Variants in FKBP9 observed in about 807,000 individuals in gnomAD.
FKBP9 encodes FKBP prolyl isomerase 9, also known as peptidyl-prolyl cis-trans isomerase FKBP9.
In FKBP9, 27 loss-of-function variants were observed where a neutral mutation model predicts 55.6. That is an observed-to-expected ratio of 0.49 (90% CI 0.36 to 0.67). The LOEUF is 0.67. Among genes scored for constraint, FKBP9 ranks in the 30% least tolerant of loss-of-function variants. The probability of loss-of-function intolerance (pLI) is 0.00; values close to 1 mark genes in which losing one functional copy is unlikely to be tolerated. For synonymous variants in FKBP9, 267 were observed against 296.5 expected, an observed-to-expected ratio of 0.90 and a Z score of 1.02; for missense variants, 539 against 742.8, an observed-to-expected ratio of 0.73 and a Z score of 3.19.
chr7:32,988,047 G>GC (rs1284751500), intron 5 of FKBP9, among the ~76,000 whole-genome samples: 3 of 152,094 alleles, frequency 2.0e-5, no homozygotes, highest in African/African-American at 7.2e-5. Flanking sequence ...AGGTGTGGTA[G>GC]CATGTGCTTG....
At chr7:32,958,924 C>T (rs2127974485) in intron 1 of FKBP9, among the ~76,000 whole-genome samples, 1 of 152,272 alleles carries the variant, frequency 6.6e-6, no homozygotes, top group African/African-American at 2.4e-5. Context: ...CTAGATCAGG[C>T]AGAGAGAGCT....
In FKBP9 at chr7:33,000,114, G is replaced by T. The variant is rs1055076709; in HGVS notation, c.1227-1G>T. On this transcript the variant is annotated splice_acceptor_variant, in intron 7 of 9. Transcript: ENST00000242209. LOFTEE classifies it high-confidence loss of function. ...CATGAGGCTCTTCTGTTTCATTTTA[G>T]GTGGAATTTAGGCAAAACTTACAAT... The T allele has an allele frequency of 2.5e-6, 4 of 1,614,144 alleles. No homozygotes were observed. The highest frequency in any genetic ancestry group is 3.4e-6 in the Non-Finnish European group (4 of 1,180,018).
intron 1 of FKBP9, among the ~76,000 whole-genome samples, chr7:32,960,108 CT>C (rs398004304): frequency 1.2e-3 from 116 of 98,622 alleles, no homozygotes; most frequent in South Asian, 2.9e-3. Flanking sequence ...TTGTACTTGT[CT>C]TTTTTTTTTT....
At chr7:32,967,721 G>T (rs1395049375) in intron 1 of FKBP9, among the ~76,000 whole-genome samples, 1 of 152,080 alleles carries the variant, frequency 6.6e-6, no homozygotes, top group African/African-American at 2.4e-5. Flanking sequence ...TTGTTGTTTT[G>T]TTTTTGTTTT....
intron 1 of FKBP9, among the ~76,000 whole-genome samples, chr7:32,965,691 A>T (rs1263896682): frequency 6.9e-6 from 1 of 144,872 alleles, no homozygotes; most frequent in Non-Finnish European, 1.5e-5. Flanking sequence ...CCAGCTACTC[A>T]GGAGGCTGAG....
At chr7:32,980,106 A>G (rs1394582317) in intron 4 of FKBP9, among the ~76,000 whole-genome samples, 1 of 152,186 alleles carries the variant, frequency 6.6e-6, no homozygotes, top group African/African-American at 2.4e-5. Flanking sequence ...ATTTTCCAGC[A>G]TGAGTCCAGA....
rs1307328002 is a variant in FKBP9, at chr7:32,984,169, C to T, written c.893+3616C>T. Among the ~76,000 whole-genome samples the T allele has an allele frequency of 2.7e-5, 4 of 150,858 alleles. No homozygotes were observed. The South Asian group carries it at 8.4e-4, about 32-fold the overall frequency. ...ATGTTTGCCTGTATTTCCCTCAAGC[C>T]TTTTAATGGTTTTTTTTTCTATTCT... is the stretch of plus-strand genomic sequence containing the variant. On this transcript the variant is annotated intron_variant, in intron 5 of 9. Transcript: ENST00000242209.
intron 9 of FKBP9, among the ~76,000 whole-genome samples, chr7:33,004,343 C>T (rs937030683): frequency 8.5e-5 from 13 of 152,142 alleles, no homozygotes; most frequent in African/African-American, 2.4e-5. Context: ...CCTGTGAAGA[C>T]CCTGCACTTT....
At chr7:32,965,884 T>TAG (rs376558399) in intron 1 of FKBP9, among the ~76,000 whole-genome samples, 24,529 of 110,022 alleles carry the variant, frequency 0.22, 3,239 homozygotes, top group East Asian at 0.45. Flanking sequence ...TATATATATA[T>TAG]AGAGAGAGAG....
At chr7:33,002,939 G>T (rs1458896343) in intron 9 of FKBP9, 100 bp downstream of exon 9, 11 of 1,231,348 alleles carry the variant, frequency 8.9e-6, no homozygotes, top group Non-Finnish European at 1.3e-5. Context: ...TAAGGGTGAG[G>T]CCAGCTGGCT....
intron 5 of FKBP9, 65 bp from the exon 6 acceptor site, chr7:32,988,442 T>C: frequency 6.4e-7 from 1 of 1,554,028 alleles, no homozygotes; most frequent in Non-Finnish European, 8.8e-7. Flanking sequence ...CTTTCCCAAC[T>C]AATTTGCACA....
intron 6 of FKBP9, chr7:32,995,059 C>T (rs1004720372): frequency 7.2e-5 from 11 of 151,960 alleles, no homozygotes; most frequent in Non-Finnish European, 1.5e-5. Context: ...TAGCCTTGAC[C>T]TCCTGGCCTC....
intron 5 of FKBP9, among the ~76,000 whole-genome samples, chr7:32,985,548 T>G (rs1446157955): frequency 2.0e-5 from 3 of 152,202 alleles, no homozygotes; most frequent in Non-Finnish European, 4.4e-5. Context: ...TATTTCCTGC[T>G]TAATTTTTTA....
chr7:32,965,852 CAG>C (rs1481891363), intron 1 of FKBP9, among the ~76,000 whole-genome samples: 74 of 33,988 alleles, frequency 2.2e-3, no homozygotes, highest in African/African-American at 0.011. Context: ...TATGTGTGTA[CAG>C]ATATATATAT....
intron 1 of FKBP9, among the ~76,000 whole-genome samples, chr7:32,962,209 A>G (rs1016663785): frequency 1.3e-5 from 2 of 152,062 alleles, no homozygotes; most frequent in Non-Finnish European, 2.9e-5. Context: ...CCTGACCAAC[A>G]TGGAGAAACC....
intron 5 of FKBP9, among the ~76,000 whole-genome samples, chr7:32,981,399 A>C (rs916429992): frequency 6.6e-6 from 1 of 152,136 alleles, no homozygotes; most frequent in African/African-American, 2.4e-5. Flanking sequence ...TTTGTTGTTC[A>C]AAGTTTTGTT....
intron 7 of FKBP9, among the ~76,000 whole-genome samples, chr7:32,997,103 T>A (rs1433373453): frequency 6.6e-6 from 1 of 151,560 alleles, no homozygotes; most frequent in African/African-American, 2.4e-5. Context: ...CAAGTCTCAC[T>A]CTTTCACCCA....
chr7:32,979,277 A>G (rs1207764314), intron 4 of FKBP9, among the ~76,000 whole-genome samples: 1 of 152,206 alleles, frequency 6.6e-6, no homozygotes, highest in Non-Finnish European at 1.5e-5. Flanking sequence ...TCAAGAAAAA[A>G]AAAAAGAAAA....
intron 2 of FKBP9, 176 bp from the exon 3 acceptor site, chr7:32,975,006 T>C: frequency 3.0e-6 from 2 of 657,868 alleles, no homozygotes; most frequent in East Asian, 5.4e-5. Flanking sequence ...TTTTTCTCTT[T>C]TCTTTCAATT....
Sources: allele counts gnomAD v4.1 joint callset (sites outside exome capture counted in the v4.1 genomes callset), GRCh38; gene constraint gnomAD v4.1.1; transcripts MANE v1.5; gene names NCBI Gene and HGNC (gene_info 2026-07-23, HGNC 2026-07-21).